The following DPYD variants were observed in gnomAD, a reference collection of about 807,000 sequenced individuals.
The protein encoded by DPYD is dihydropyrimidine dehydrogenase [NADP(+)].
Under a neutral mutation model 116.2 loss-of-function variants are expected in DPYD, and 109 were observed. The ratio of observed to expected loss-of-function variants is 0.94; its 90% CI spans 0.80 to 1.10. The LOEUF is 1.10. DPYD is among the 50% of genes least tolerant of loss of function. The pLI, the probability that DPYD is intolerant of heterozygous loss-of-function variation, is 0.00. For missense variants in DPYD, 1,302 were observed against 1,254.5 expected (o/e 1.04, Z -0.57); for synonymous variants, 440 against 432.0 (o/e 1.02, Z -0.23).
intron 3 of DPYD, among the ~76,000 whole-genome samples, chr1:97,749,786 A>G (rs1664772962): frequency 6.6e-6 from 1 of 152,026 alleles, no homozygotes; most frequent in Non-Finnish European, 1.5e-5. Context: ...CACCACAACT[A>G]TGGTTTCCTT....
At chr1:97,239,985 A>T (rs540856403) in intron 18 of DPYD, among the ~76,000 whole-genome samples, 65 of 152,218 alleles carry the variant, frequency 4.3e-4, no homozygotes, top group East Asian at 1.9e-4. Flanking sequence ...GCATTTATGT[A>T]GTTTACTTTG....
intron 20 of DPYD, among the ~76,000 whole-genome samples, chr1:97,117,659 G>T (rs1252512371): frequency 2.6e-5 from 4 of 152,078 alleles, no homozygotes; most frequent in Non-Finnish European, 4.4e-5. Flanking sequence ...AGTGAAAATG[G>T]TCTATAATTT....
intron 20 of DPYD, among the ~76,000 whole-genome samples, chr1:97,102,905 A>C (rs921583089): frequency 6.6e-6 from 1 of 152,182 alleles, no homozygotes; most frequent in South Asian, 2.1e-4. Context: ...TAAAATGACC[A>C]ATAATTGCAG....
chr1:97,285,035 C>G (rs567965704), intron 18 of DPYD, among the ~76,000 whole-genome samples: 1 of 152,274 alleles, frequency 6.6e-6, no homozygotes, highest in South Asian at 2.1e-4. Context: ...GCTAACGGGT[C>G]TGGATCAAAG....
At chr1:97,886,156 A>C (rs1672474188) in intron 1 of DPYD, among the ~76,000 whole-genome samples, 1 of 152,144 alleles carries the variant, frequency 6.6e-6, no homozygotes. Context: ...TGGCATTTGA[A>C]GTATAACCCA....
intron 14 of DPYD, among the ~76,000 whole-genome samples, chr1:97,446,758 A>C (rs998490729): frequency 4.6e-5 from 7 of 152,118 alleles, no homozygotes; most frequent in Admixed American, 1.3e-4. Context: ...TCCCCGGCCC[A>C]AAATACATGA....
chr1:97,328,954 T>C (rs1668844599), intron 16 of DPYD, among the ~76,000 whole-genome samples: 1 of 152,198 alleles, frequency 6.6e-6, no homozygotes, highest in Non-Finnish European at 1.5e-5. Context: ...TTTTATTGTA[T>C]GCTTTTGTTT....
At chr1:97,496,721 T>C (rs1272908704) in intron 13 of DPYD, among the ~76,000 whole-genome samples, 2 of 152,006 alleles carry the variant, frequency 1.3e-5, no homozygotes, top group Non-Finnish European at 2.9e-5. Flanking sequence ...TTCCTTGCTC[T>C]AGCTTGGTTT....
chr1:97,093,118 T>C (rs1360929583), intron 21 of DPYD, among the ~76,000 whole-genome samples: 1 of 152,202 alleles, frequency 6.6e-6, no homozygotes, highest in Non-Finnish European at 1.5e-5. Flanking sequence ...AAACAGATTC[T>C]ATATATCTTG....
chr1:97,149,598 T>C (rs1654873697), intron 20 of DPYD, among the ~76,000 whole-genome samples: 1 of 152,182 alleles, frequency 6.6e-6, no homozygotes, highest in African/African-American at 2.4e-5. Flanking sequence ...GTTTATAACA[T>C]CATCTTGCAA....
At chr1:97,417,809 T>C (rs866648324) in intron 14 of DPYD, among the ~76,000 whole-genome samples, 12 of 152,298 alleles carry the variant, frequency 7.9e-5, no homozygotes, top group Middle Eastern at 6.8e-3. Flanking sequence ...AGTTTAATAA[T>C]GGAACATTGA....
intron 8 of DPYD, among the ~76,000 whole-genome samples, chr1:97,656,971 T>A (rs111799568): frequency 6.7e-6 from 1 of 149,288 alleles, no homozygotes; most frequent in African/African-American, 2.4e-5. Flanking sequence ...ATTGTATTTT[T>A]TTTTTTTTTT....
chr1:97,452,309 C>G (rs1676461325), intron 13 of DPYD, among the ~76,000 whole-genome samples: 1 of 152,118 alleles, frequency 6.6e-6, no homozygotes, highest in African/African-American at 2.4e-5. Flanking sequence ...CCTTCCACTA[C>G]AGCATAAGAC....
At chr1:97,178,944 T>C (rs1657468768) in intron 20 of DPYD, among the ~76,000 whole-genome samples, 1 of 152,188 alleles carries the variant, frequency 6.6e-6, no homozygotes, top group Non-Finnish European at 1.5e-5. Flanking sequence ...GTGTTCATCG[T>C]GGCAGAGAAA....
At chr1:97,235,049 T>A (rs1661819075) in intron 18 of DPYD, 55 bp from the exon 19 acceptor site, 6 of 1,602,594 alleles carry the variant, frequency 3.7e-6, no homozygotes, top group Non-Finnish European at 5.1e-6. Flanking sequence ...GAGTATACTG[T>A]CTTATATTAC....
chr1:97,215,125 G>A (rs769335818), intron 19 of DPYD, among the ~76,000 whole-genome samples: 14 of 152,170 alleles, frequency 9.2e-5, no homozygotes, highest in Non-Finnish European at 1.9e-4. Flanking sequence ...ACTGTATGAG[G>A]TGCTTTGCAT....
At chr1:97,649,141 C>A (rs910471107) in intron 8 of DPYD, among the ~76,000 whole-genome samples, 1 of 152,060 alleles carries the variant, frequency 6.6e-6, no homozygotes, top group South Asian at 2.1e-4. Flanking sequence ...TTTATATTTT[C>A]CTATGTTTGC....
At chr1:97,558,712 C>T (rs1445933923) in intron 11 of DPYD, among the ~76,000 whole-genome samples, 1 of 152,132 alleles carries the variant, frequency 6.6e-6, no homozygotes, top group East Asian at 1.9e-4. Flanking sequence ...ATAGCAACTC[C>T]TTTTGTGTTA....
chr1:97,762,874 T>C (rs1371979628), intron 3 of DPYD, among the ~76,000 whole-genome samples: 1 of 152,110 alleles, frequency 6.6e-6, no homozygotes, highest in Non-Finnish European at 1.5e-5. Flanking sequence ...CAAATCCTGA[T>C]TATTCTACAT....
Sources: allele counts gnomAD v4.1 joint callset (sites outside exome capture counted in the v4.1 genomes callset), GRCh38; gene constraint gnomAD v4.1.1; transcripts MANE v1.5; gene names NCBI Gene and HGNC (gene_info 2026-07-23, HGNC 2026-07-21).